Variants in SMYD2 observed in about 807,000 individuals in gnomAD.
The protein encoded by SMYD2 is SET and MYND domain containing 2, also known as N-lysine methyltransferase SMYD2.
Under a neutral mutation model 59.1 loss-of-function variants are expected in SMYD2, and 53 were observed. That is an observed-to-expected ratio of 0.90 (90% confidence interval 0.72 to 1.13). The LOEUF (loss-of-function observed/expected upper bound fraction) is 1.13. Among genes scored for constraint, SMYD2 ranks in the 50% most tolerant of loss-of-function variants. The pLI is 0.00. For missense variants in SMYD2, 494 were observed against 544.7 expected (o/e 0.91, Z 0.93); for synonymous variants, 208 against 198.8 (o/e 1.05, Z -0.39).
chr1:214,334,001 A>C (rs1657397056), intron 10 of SMYD2, 199 bp from the exon 11 acceptor site: 2 of 477,488 alleles, frequency 4.2e-6, no homozygotes, highest in Non-Finnish European at 7.7e-6. Context: ...ACAAACTACA[A>C]ATAATGAACA....
chr1:214,327,770 CTCT>C, intron 7 of SMYD2, 46 bp downstream of exon 7: 1 of 1,517,374 alleles, frequency 6.6e-7, no homozygotes, highest in Admixed American at 1.7e-5. Flanking sequence ...CTTGAGACTG[CTCT>C]TTAAAAGGCA....
At chr1:214,331,902 T>C (rs900503041) in intron 9 of SMYD2, 116 bp from the exon 10 acceptor site, 98 of 896,608 alleles carry the variant, frequency 1.1e-4, no homozygotes, top group Non-Finnish European at 1.5e-4. Flanking sequence ...TTCTGTAAGT[T>C]ACTTTTTCAT....
rs1464805557 is a variant in SMYD2 at position 214,337,039 on chromosome 1, CAG to C, written c.*258_*259del. ...TTTCATATGTTATACTTTGGACAGA[CAG>C]AGTTTTAAAAATGGAATTATTTTTT... On this transcript the variant is annotated 3_prime_UTR_variant, in exon 12 of 12. Coordinates refer to ENST00000366957, the MANE Select transcript of SMYD2 (RefSeq NM_020197.3). 2 of 301,830 alleles carry C rather than the reference CAG, an allele frequency of 6.6e-6. No homozygotes were observed. Among genetic ancestry groups the C allele is most frequent in the East Asian group, 8.6e-5 (1 of 11,684 alleles). 18.7% of individuals were successfully genotyped at this position (301,830 alleles called of 1,614,324 possible).
At chr1:214,289,797 G>T (rs1656608264) in intron 1 of SMYD2, among the ~76,000 whole-genome samples, 1 of 152,196 alleles carries the variant, frequency 6.6e-6, no homozygotes, top group Non-Finnish European at 1.5e-5. Flanking sequence ...CCCTGCACTG[G>T]CCCCTTCCTC....
In SMYD2 at chr1:214,310,245, C is replaced by T. The variant is rs569198501; in HGVS notation, c.238-4517C>T. The stretch of plus-strand genomic sequence containing the variant: ...ATCTTTAAGCATTTTTGACTGTGCA[C>T]GAAAGTGAAAGTCATGCACAGTAGT... On this transcript the variant is annotated intron_variant, in intron 2 of 11. Coordinates refer to ENST00000366957, the MANE Select transcript of SMYD2 (RefSeq NM_020197.3). Among the ~76,000 whole-genome samples, 6 of 152,066 alleles carry T rather than the reference C, an allele frequency of 3.9e-5. 1 individual carries two copies. Among genetic ancestry groups the T allele is most frequent in the African/African-American group, 1.2e-4 (5 of 41,452 alleles).
intron 6 of SMYD2, among the ~76,000 whole-genome samples, chr1:214,325,773 CTTTTTTT>C (rs59821609): frequency 1.7e-5 from 2 of 118,786 alleles, no homozygotes; most frequent in Non-Finnish European, 3.3e-5. Context: ...AGGAAAGAAG[CTTTTTTT>C]TTTTTTTTTT....
intron 1 of SMYD2, among the ~76,000 whole-genome samples, chr1:214,283,190 C>T (rs568460795): frequency 1.9e-4 from 29 of 152,202 alleles, no homozygotes; most frequent in Non-Finnish European, 4.0e-4. Flanking sequence ...ACTACGCATA[C>T]CCCCAACCTT....
At chr1:214,297,628 C>T (rs559181684) in intron 1 of SMYD2, among the ~76,000 whole-genome samples, 2 of 152,278 alleles carry the variant, frequency 1.3e-5, no homozygotes, top group East Asian at 3.9e-4. Flanking sequence ...TGAATTTCAG[C>T]CATGAGACTT....
At chr1:214,324,566 A>C (rs1247525284) in intron 5 of SMYD2, 75 bp from the exon 6 acceptor site, 8 of 1,335,964 alleles carry the variant, frequency 6.0e-6, no homozygotes, top group Non-Finnish European at 8.4e-6. Flanking sequence ...TAAAAGTCAA[A>C]ATTTAAAAAA....
intron 11 of SMYD2, 143 bp downstream of exon 11, chr1:214,334,451 G>A (rs989536768): frequency 4.1e-6 from 3 of 733,430 alleles, no homozygotes; most frequent in South Asian, 1.7e-5. Flanking sequence ...GAGCAGCGGG[G>A]GTGGGTCCTG....
intron 1 of SMYD2, among the ~76,000 whole-genome samples, chr1:214,291,758 CTAAG>C (rs929080619): frequency 2.0e-5 from 3 of 152,194 alleles, no homozygotes; most frequent in African/African-American, 7.2e-5. Context: ...CTGACACAAA[CTAAG>C]AGAGAGCTTC....
chr1:214,303,141 C>G (rs1056867991), intron 1 of SMYD2, among the ~76,000 whole-genome samples: 21 of 152,152 alleles, frequency 1.4e-4, no homozygotes, highest in Non-Finnish European at 2.6e-4. Flanking sequence ...AGGTCTCTAA[C>G]CTGCCCCCCA....
chr1:214,324,780 A>G (rs1359613417), intron 6 of SMYD2, 72 bp downstream of exon 6: 2 of 1,398,600 alleles, frequency 1.4e-6, no homozygotes, highest in Non-Finnish European at 2.0e-6. Flanking sequence ...TTTCATTTTT[A>G]AATAACCCAC....
intron 3 of SMYD2, among the ~76,000 whole-genome samples, chr1:214,315,632 T>C (rs767603968): frequency 1.3e-5 from 2 of 152,184 alleles, no homozygotes; most frequent in Admixed American, 6.5e-5. Context: ...CTAGGACTTA[T>C]GAACTGAAGC....
At chr1:214,286,484 G>A (rs1257411524) in intron 1 of SMYD2, among the ~76,000 whole-genome samples, 1 of 151,804 alleles carries the variant, frequency 6.6e-6, no homozygotes, top group Non-Finnish European at 1.5e-5. Context: ...AAATAAAAAA[G>A]TGTGGACTGG....
At chr1:214,306,960 C>G (rs955281608) in intron 2 of SMYD2, among the ~76,000 whole-genome samples, 1 of 152,160 alleles carries the variant, frequency 6.6e-6, no homozygotes, top group African/African-American at 2.4e-5. Context: ...CACCTGAGGT[C>G]AGGAGTTCGA....
chr1:214,322,958 C>T (rs1657196651), intron 5 of SMYD2, among the ~76,000 whole-genome samples: 1 of 152,166 alleles, frequency 6.6e-6, no homozygotes, highest in African/African-American at 2.4e-5. Flanking sequence ...TGAATTGTAA[C>T]AGTGCAGTGT....
chr1:214,304,630 GA>G (rs1160751522), intron 1 of SMYD2, among the ~76,000 whole-genome samples: 1 of 147,792 alleles, frequency 6.8e-6, no homozygotes, highest in Non-Finnish European at 1.5e-5. Context: ...TAGCTTTCTG[GA>G]CAACATTCGA....
At chr1:214,319,971 T>G (rs1481971689) in intron 5 of SMYD2, among the ~76,000 whole-genome samples, 1 of 152,180 alleles carries the variant, frequency 6.6e-6, no homozygotes, top group Admixed American at 6.5e-5. Flanking sequence ...CCTAAGGATA[T>G]AATCAGAAAT....
Sources: gnomAD v4.1 joint callset for allele counts (sites outside exome capture counted in the v4.1 genomes callset) on GRCh38, gnomAD v4.1.1 for gene constraint, MANE v1.5 for transcripts, NCBI Gene and HGNC (gene_info 2026-07-23, HGNC 2026-07-21) for gene names.